The following RHBDD3 variants were observed in gnomAD, a reference collection of about 807,000 sequenced individuals.
The protein encoded by RHBDD3 is rhomboid domain containing 3.
Under a neutral mutation model 32.3 loss-of-function variants are expected in RHBDD3, and 34 were observed. The observed-to-expected ratio is 1.05, with a 90% CI of 0.80 to 1.40. The LOEUF (loss-of-function observed/expected upper bound fraction) is 1.40, where lower values mean the gene tolerates loss of function less well. Among genes scored for constraint, RHBDD3 ranks in the 40% most tolerant of loss-of-function variants. The pLI is 0.00. For missense variants in RHBDD3, 482 were observed against 492.6 expected (o/e 0.98, Z 0.20); for synonymous variants, 249 against 239.1 (o/e 1.04, Z -0.38).
chr22:29,261,485 T>C, intron 4 of RHBDD3: 1 of 377,342 alleles, frequency 2.7e-6, no homozygotes, highest in South Asian at 1.9e-5. Flanking sequence ...TCTCAGCTAC[T>C]CAAGTGGCTG....
intron 2 of RHBDD3, 115 bp from the exon 3 acceptor site, chr22:29,265,783 G>A (rs1342914536): frequency 1.8e-5 from 19 of 1,056,144 alleles, no homozygotes; most frequent in Admixed American, 4.0e-5. Context: ...GGCTGGAGAC[G>A]CAGGCCCAGC....
intron 4 of RHBDD3, chr22:29,261,386 C>G (rs1303298213): frequency 8.7e-6 from 4 of 460,194 alleles, no homozygotes; most frequent in Non-Finnish European, 1.8e-5. Context: ...CACTTGAGGC[C>G]AGGAGTTCAA....
At position 29,265,567 on chromosome 22, in the gene RHBDD3, G is replaced by T; in HGVS notation, c.60C>A (p.Val20=). The T allele has an allele frequency of 6.3e-7, 1 of 1,591,498 alleles. No individual in the cohort carries two copies. Among genetic ancestry groups the T allele is most frequent in the South Asian group, 1.1e-5 (1 of 88,182 alleles). ...ACAGGGTGCTCATCAGCAGCATCAGGACTGAGGAGGCCAGAGGCAGTGCTG... is the reference window on the plus strand; with the variant it reads ...ACAGGGTGCTCATCAGCAGCATCAGTACTGAGGAGGCCAGAGGCAGTGCTG... ...LSPALPLASS[V]LMLLMSTLWL... The change falls in exon 3 of 7, where the codon GTC becomes GTA. Residue 20 remains valine, a synonymous_variant. Transcript: ENST00000216085.
At chr22:29,265,753 A>G in intron 2 of RHBDD3, 85 bp from the exon 3 acceptor site, 1 of 1,325,580 alleles carries the variant, frequency 7.5e-7, no homozygotes, top group Non-Finnish European at 9.9e-7. Context: ...CAACAGCCCT[A>G]TTTTACAGAG....
rs145345438 is a variant in RHBDD3 at position 29,261,059 on chromosome 22, T to TA, written c.533-196dup. On this transcript the variant is annotated intron_variant, in intron 4 of 6. Transcript: ENST00000216085. ...AAAGGAAAAGGGATCTGCCTGAAGC[T>TA]ACTCAGCCAAACAGAGCCAGGTATG... The TA allele has an allele frequency of 1.7e-3, 1,092 of 652,042 alleles. 9 individuals are homozygous for TA. In the African/African-American group the frequency reaches 0.018, roughly 11 times the overall value. 40.4% of individuals were successfully genotyped at this position (652,042 alleles called of 1,614,324 possible).
In RHBDD3 at chr22:29,260,372, G is replaced by A. The variant is rs781297055; in HGVS notation, c.937C>T (p.Pro313Ser). 5 of 1,612,502 alleles carry A rather than the reference G, an allele frequency of 3.1e-6. No homozygotes were observed. The highest frequency in any genetic ancestry group is 4.2e-6 in the Non-Finnish European group (5 of 1,179,682). ...ASLLDGPAQEPQSAPWLSKSS... is the reference protein window; with the variant it reads ...ASLLDGPAQESQSAPWLSKSS... ...TTGGACAGCCATGGTGCGCTCTGGG[G>A]TTCCTGGGCTGGCCCGTCAAGAAGC... The change falls in exon 6 of 7, where the codon CCC (proline) becomes TCC (serine). Residue 313 changes from proline (P) to serine (S), a missense_variant. Coordinates refer to ENST00000216085, the MANE Select transcript of RHBDD3 (RefSeq NM_012265.3).
At chr22:29,262,006 A>G (rs546480892) in intron 4 of RHBDD3, 1 of 151,980 alleles carries the variant, frequency 6.6e-6, no homozygotes, top group Admixed American at 6.5e-5. Context: ...TCGACTTGGC[A>G]CTCTTGTCAA....
chr22:29,263,736 T>G (rs1395052562), intron 4 of RHBDD3, 99 bp downstream of exon 4: 1 of 1,439,242 alleles, frequency 6.9e-7, no homozygotes, highest in African/African-American at 1.4e-5. Flanking sequence ...GGCTCCTTGG[T>G]ATTGCTTGGG....
chr22:29,260,550 TGA>T lies in RHBDD3; in HGVS notation c.757_758del (p.Ala254ProfsTer40). 6.3e-7 allele frequency: 1 copy of T among 1,598,954 alleles called. No homozygotes were observed. Among genetic ancestry groups the T allele is most frequent in the Non-Finnish European group, 8.5e-7 (1 of 1,175,538 alleles). ...GCCTCAGGCTTGGTGGGGGCAGGGC[TGA>T]GTCTTCCCAGTGGGACCAGAGGTCA... is the stretch of plus-strand genomic sequence containing the variant. ...SPDLWSHWED[S>X]ALPPPSLRPV... On this transcript the variant is annotated frameshift_variant, in exon 6 of 7. Coordinates refer to ENST00000216085, the MANE Select transcript of RHBDD3 (RefSeq NM_012265.3). LOFTEE classifies it high-confidence loss of function.
At chr22:29,261,997 C>G (rs563842830) in intron 4 of RHBDD3, 2 of 152,112 alleles carry the variant, frequency 1.3e-5, no homozygotes, top group Non-Finnish European at 2.9e-5. Flanking sequence ...CTCATTGAAT[C>G]GACTTGGCAC....
Position 29,263,939 on chromosome 22 carries a change from A to G in RHBDD3, c.428T>C (p.Leu143Pro). The change falls in exon 4 of 7, where the codon CTG (leucine) becomes CCG (proline). Residue 143 changes from leucine to proline, a missense_variant. By Grantham distance (98) the Leu-to-Pro change is moderately conservative. Coordinates refer to ENST00000216085, the MANE Select transcript of RHBDD3 (RefSeq NM_012265.3). ...CAGCCACGGCGACAGCCACGGTGGC[A>G]GTGCCCCACGGGGCCGTCTAGGGCG... Reference protein sequence around the residue: ...GHRPRRPRGALPPWLSPWLLL... With the variant: ...GHRPRRPRGAPPPWLSPWLLL... 1.9e-6 allele frequency: 3 copies of G among 1,550,244 alleles called. No individual in the cohort carries two copies. Among genetic ancestry groups the G allele is most frequent in the Middle Eastern group, 1.7e-4 (1 of 5,950 alleles).
intron 3 of RHBDD3, chr22:29,264,467 T>G (rs2058155095): frequency 7.7e-7 from 1 of 1,296,482 alleles, no homozygotes. Flanking sequence ...GTCTTTTCAC[T>G]GACAACCCGC....
chr22:29,261,943 G>A (rs2058125053), intron 4 of RHBDD3: 2 of 152,036 alleles, frequency 1.3e-5, no homozygotes, highest in African/African-American at 4.8e-5. Flanking sequence ...GTGAGCCACT[G>A]CACCCAGCCT....
chr22:29,260,472 C>T lies in RHBDD3; in HGVS notation c.837G>A (p.Gly279=), dbSNP rs2058099866. 6.2e-7 allele frequency: 1 copy of T among 1,608,374 alleles called. No individual in the cohort carries two copies. Residue 279 remains glycine, a synonymous_variant, in exon 6 of 7, where the codon GGG becomes GGA. Transcript: ENST00000216085. ...TCGGAGTCCCTGGGGAGAAGCTGGC[C>T]CCAGCCCAGTCCAGGCCTGCCTCTG... ...GSSEAGLDWA[G]ASFSPGTPMW...
intron 4 of RHBDD3, 173 bp from the exon 5 acceptor site, chr22:29,261,037 G>C (rs1382743223): frequency 1.4e-6 from 1 of 701,344 alleles, no homozygotes; most frequent in Non-Finnish European, 2.3e-6. Flanking sequence ...GGCTCAGAAA[G>C]GAAAAGGGAT....
intron 4 of RHBDD3, chr22:29,262,117 T>C (rs1328743942): frequency 6.6e-6 from 1 of 151,738 alleles, no homozygotes; most frequent in Non-Finnish European, 1.5e-5. Flanking sequence ...CACAATATCT[T>C]GATTATTATA....
Position 29,260,226 on chromosome 22 carries a change from A to G in RHBDD3, c.995T>C (p.Leu332Pro), listed in dbSNP as rs1602087339. The part of the protein sequence containing the change: ...SSVSSLRLQQ[L>P]ERMGFPTEQA... The stretch of plus-strand genomic sequence containing the variant: ...CTCCGTAGGGAAGCCCATGCGCTCC[A>G]GCTGCTGCAGCCTGTTGGGGGTGGG... The change falls in exon 7 of 7, where the codon CTG becomes CCG. Residue 332 changes from leucine to proline, a missense_variant. By Grantham distance (98) the Leu-to-Pro change is moderately conservative. Transcript: ENST00000216085. 3.1e-6 allele frequency: 5 copies of G among 1,600,440 alleles called. No individual in the cohort carries two copies. The South Asian group carries it at 5.6e-5, about 18-fold the overall frequency.
At chr22:29,268,113 A>C, upstream of RHBDD3, 5 of 613,050 alleles carry the variant, frequency 8.2e-6, no homozygotes, top group Non-Finnish European at 1.2e-5. Flanking sequence ...CTTAGATGCT[A>C]TTTTGGCCCG....
chr22:29,260,157 GCA>G lies in RHBDD3; in HGVS notation c.1062_1063del (p.Ala355ArgfsTer12). 6.3e-7 allele frequency: 1 copy of G among 1,588,720 alleles called. No individual in the cohort carries two copies. The highest frequency in any genetic ancestry group is 8.6e-7 in the Non-Finnish European group (1 of 1,167,548). ...TTGTCCTCCAACCAACAGTGACACG[GCA>G]CCCTCCACACGGCCTGTGGCTGCCA... On this transcript the variant is annotated frameshift_variant, in exon 7 of 7. Coordinates refer to ENST00000216085, the MANE Select transcript of RHBDD3 (RefSeq NM_012265.3). LOFTEE classifies it high-confidence loss of function.
Sources: gnomAD v4.1 joint callset for allele counts on GRCh38, gnomAD v4.1.1 for gene constraint, MANE v1.5 for transcripts, NCBI Gene and HGNC (gene_info 2026-07-23, HGNC 2026-07-21) for gene names.